The following PTPRF variants were observed in gnomAD, a reference collection of about 807,000 sequenced individuals.
PTPRF encodes receptor-type tyrosine-protein phosphatase F.
PTPRF carries 59 observed loss-of-function variants against 201.8 expected under a neutral mutation model. The observed-to-expected ratio is 0.29, with a 90% CI of 0.24 to 0.36. PTPRF has a LOEUF of 0.36. PTPRF is among the 10% of genes least tolerant of loss of function. PTPRF has a pLI of 1.00. For missense variants in PTPRF, 2,132 were observed against 2,690.5 expected (o/e 0.79, Z 4.59); for synonymous variants, 1,088 against 1,089.7 (o/e 1.00, Z 0.03).
chr1:43,549,001 C>T (rs1473974573), intron 3 of PTPRF, among the ~76,000 whole-genome samples: 1 of 152,226 alleles, frequency 6.6e-6, no homozygotes, highest in East Asian at 1.9e-4. Flanking sequence ...TTACTCCTTT[C>T]TTAGGCCACT....
intron 5 of PTPRF, among the ~76,000 whole-genome samples, chr1:43,559,441 C>A (rs1419348611): frequency 1.4e-4 from 21 of 151,738 alleles, no homozygotes; most frequent in Admixed American, 1.4e-3. Context: ...AGTGTGTGGG[C>A]AGTAGGCAGT....
intron 22 of PTPRF, among the ~76,000 whole-genome samples, 154 bp downstream of exon 22, chr1:43,609,652 C>T (rs1303616542): frequency 2.0e-5 from 3 of 152,228 alleles, no homozygotes; most frequent in Non-Finnish European, 4.4e-5. Flanking sequence ...CTGTGCTCAT[C>T]CACTTTGGTT....
chr1:43,588,756 C>T lies in PTPRF; in HGVS notation c.705C>T (p.Ser235=), dbSNP rs1273818724. The part of the protein sequence containing the change: ...VRVRRVAPRF[S]IPPSSQEVMP... ...TGCGCCGCGTGGCTCCTCGTTTCTC[C>T]ATCCCTCCCAGCAGCCAGGAGGTGA... Residue 235 remains serine, a synonymous_variant, in exon 8 of 34, where the codon TCC becomes TCT. Transcript: ENST00000359947. This position sits in a 1 kb window ranked among gnomAD's most constrained non-coding sequence, Gnocchi z 5.3. 1 of 1,613,768 alleles carries T rather than the reference C, an allele frequency of 6.2e-7. No homozygotes were observed. The highest frequency in any genetic ancestry group is 1.1e-5 in the South Asian group (1 of 91,080).
chr1:43,531,706 A>AG (rs1643554050), intron 1 of PTPRF, among the ~76,000 whole-genome samples: 1 of 151,638 alleles, frequency 6.6e-6, no homozygotes, highest in Non-Finnish European at 1.5e-5. Flanking sequence ...CGGGATGGGG[A>AG]GGGGCCGAAC....
In PTPRF at chr1:43,618,580, C is replaced by T. The variant is rs112210692; in HGVS notation, c.4372-50C>T. On this transcript the variant is annotated intron_variant, in intron 25 of 33. Transcript: ENST00000359947. ...GACCAGCCTCCACCCTGCTTCTGCC[C>T]GTCTGAGCCTGTGGGCTTCCTTCAG... The T allele has an allele frequency of 8.8e-4, 1,384 of 1,567,474 alleles. 19 individuals are homozygous for T. The South Asian group carries it at 0.014, about 16-fold the overall frequency.
chr1:43,531,921 G>T (rs1187217900), intron 1 of PTPRF, among the ~76,000 whole-genome samples: 1 of 152,154 alleles, frequency 6.6e-6, no homozygotes, highest in African/African-American at 2.4e-5. Context: ...CTGCCTCCCC[G>T]TGTCAGTGCC....
At chr1:43,557,540 A>T (rs1449637265) in intron 5 of PTPRF, among the ~76,000 whole-genome samples, 1 of 151,762 alleles carries the variant, frequency 6.6e-6, no homozygotes, top group Non-Finnish European at 1.5e-5. Context: ...AGGCTGAGGC[A>T]GGAGAATTGC....
Position 43,592,467 on chromosome 1 carries a change from C to T in PTPRF, c.1679C>T (p.Thr560Ile). ...AEDEDQQHKV[T>I]FDPTSSYTLE... is the part of the protein sequence containing the mutation. Reference sequence around the variant, plus strand: ...CCCTGCTCTTCCCAGCACAAGGTGACCTTCGACCCAACCTCCTCCTACACA... The same window carrying T: ...CCCTGCTCTTCCCAGCACAAGGTGATCTTCGACCCAACCTCCTCCTACACA... The change falls in exon 11 of 34, where the codon ACC becomes ATC. Residue 560 changes from threonine to isoleucine, a missense_variant. By Grantham distance (89) the Thr-to-Ile change is moderately conservative. Around this residue, in one of 6 missense-constraint regions of PTPRF, gnomAD observed 351 missense variants for 401.7 expected, o/e 0.87. Transcript: ENST00000359947. The T allele has an allele frequency of 2.5e-6, 4 of 1,609,766 alleles. No individual in the cohort carries two copies. Among genetic ancestry groups the T allele is most frequent in the Non-Finnish European group, 3.4e-6 (4 of 1,177,974 alleles).
At chr1:43,559,279 T>C (rs1353359509) in intron 5 of PTPRF, among the ~76,000 whole-genome samples, 5 of 151,922 alleles carry the variant, frequency 3.3e-5, no homozygotes, top group Admixed American at 2.6e-4. Flanking sequence ...GAAGGGGCAG[T>C]GTGTGCAGGA....
chr1:43,532,800 T>A (rs573140474), intron 1 of PTPRF, among the ~76,000 whole-genome samples: 1 of 152,144 alleles, frequency 6.6e-6, no homozygotes, highest in Non-Finnish European at 1.5e-5. Flanking sequence ...TACAACCCCC[T>A]ACATTCTCAG....
intron 13 of PTPRF, among the ~76,000 whole-genome samples, chr1:43,601,216 A>C (rs1200810307): frequency 6.6e-6 from 1 of 152,166 alleles, no homozygotes; most frequent in Non-Finnish European, 1.5e-5. Context: ...GCTTGGAGAC[A>C]TCCTGGACCA....
chr1:43,577,434 T>C (rs663618), intron 6 of PTPRF, among the ~76,000 whole-genome samples: 115,132 of 152,198 alleles, frequency 0.76, 43,900 homozygotes, highest in Non-Finnish European at 0.78. Context: ...GCTGGTCCTG[T>C]GTCCTGCATT....
At chr1:43,605,669 C>T (rs1570583226) in intron 19 of PTPRF, 47 bp downstream of exon 19, 3 of 1,549,910 alleles carry the variant, frequency 1.9e-6, no homozygotes, top group East Asian at 4.5e-5. Context: ...TTGCAGTGGT[C>T]AGCTGTGGCC....
intron 14 of PTPRF, 46 bp downstream of exon 14, chr1:43,602,143 G>C (rs768534247): frequency 6.3e-7 from 1 of 1,586,536 alleles, no homozygotes; most frequent in Non-Finnish European, 8.7e-7. Context: ...GGTCAAGCTG[G>C]GCTCGTGGGA....
intron 2 of PTPRF, among the ~76,000 whole-genome samples, chr1:43,539,129 G>A (rs1016497172): frequency 1.1e-4 from 17 of 152,176 alleles, no homozygotes; most frequent in African/African-American, 3.6e-4. Context: ...GTCTGTGTGC[G>A]GGATGGGTTG....
intron 5 of PTPRF, among the ~76,000 whole-genome samples, chr1:43,567,619 G>C (rs1646273363): frequency 6.6e-6 from 1 of 152,182 alleles, no homozygotes; most frequent in South Asian, 2.1e-4. Context: ...CCCTGGGACT[G>C]GCAGCAGATA....
upstream of PTPRF, among the ~76,000 whole-genome samples, chr1:43,530,238 A>G (rs1318875040): frequency 6.6e-6 from 1 of 151,490 alleles, no homozygotes; most frequent in African/African-American, 2.4e-5. This position sits in a 1 kb window ranked among gnomAD's most constrained non-coding sequence, Gnocchi z 4.1. Context: ...TGGGAATGGG[A>G]GAGCAGTACT....
At chr1:43,573,982 T>C (rs1646752247) in intron 6 of PTPRF, among the ~76,000 whole-genome samples, 2 of 13,974 alleles carry the variant, frequency 1.4e-4, no homozygotes, top group South Asian at 2.3e-3. Flanking sequence ...GGGTTCTTTT[T>C]TTTTTTTTTT....
chr1:43,527,336 G>T (rs1431573046), upstream of PTPRF, among the ~76,000 whole-genome samples: 1 of 152,228 alleles, frequency 6.6e-6, no homozygotes, highest in Non-Finnish European at 1.5e-5. Flanking sequence ...TGGCAAACTG[G>T]ACAGAGCCTT....
Sources: gnomAD v4.1 joint callset for allele counts (sites outside exome capture counted in the v4.1 genomes callset) on GRCh38, gnomAD v4.1.1 for gene constraint, gnomAD v4.1.1 regional missense constraint, Gnocchi (gnomAD v3.1) non-coding constraint, MANE v1.5 for transcripts, NCBI Gene and HGNC (gene_info 2026-07-23, HGNC 2026-07-21) for gene names.